Variants in SYTL5 observed in about 807,000 individuals in gnomAD.
SYTL5 encodes the protein synaptotagmin-like protein 5.
A neutral mutation model predicts 55.9 loss-of-function variants in SYTL5; 34 were observed. The ratio of observed to expected loss-of-function variants is 0.61; its 90% confidence interval spans 0.46 to 0.81. SYTL5 has a LOEUF of 0.81. Among genes scored for constraint, SYTL5 ranks in the 30% least tolerant of loss-of-function variants. The pLI, the probability that SYTL5 is intolerant of heterozygous loss-of-function variation, is 0.00. For synonymous variants in SYTL5, 221 were observed against 188.7 expected (o/e 1.17, Z -1.40); for missense variants, 637 against 546.7 (o/e 1.17, Z -1.65).
the SYTL5 span, among the ~76,000 whole-genome samples, chrX:37,910,847 G>A: frequency 8.9e-6 from 1 of 111,832 alleles, no homozygotes; most frequent in Middle Eastern, 4.7e-3. Context: ...CTGGTGTAGG[G>A]ATGATACATT....
chrX:38,023,573 AAG>A (rs1412055312), intron 1 of SYTL5, among the ~76,000 whole-genome samples: 1 of 111,670 alleles, frequency 9.0e-6, no homozygotes, highest in African/African-American at 3.3e-5. Flanking sequence ...TTGCATTAAA[AAG>A]CATAATTATC....
chrX:38,030,157 A>G (rs1934909479), intron 1 of SYTL5, among the ~76,000 whole-genome samples: 1 of 111,006 alleles, frequency 9.0e-6, no homozygotes, highest in Non-Finnish European at 1.9e-5. Flanking sequence ...AACATGCAAA[A>G]AGCCACATAT....
the SYTL5 span, among the ~76,000 whole-genome samples, chrX:37,989,852 G>A: frequency 1.8e-5 from 2 of 110,424 alleles, no homozygotes; most frequent in African/African-American, 6.6e-5. Context: ...GGCACTGACA[G>A]GTAAACTTAT....
the SYTL5 span, among the ~76,000 whole-genome samples, chrX:37,945,682 T>G: frequency 8.9e-6 from 1 of 112,084 alleles, no homozygotes; most frequent in African/African-American, 3.2e-5. Flanking sequence ...GTAAACAAAT[T>G]TGTACTTCCT....
rs1569190242 is a variant in SYTL5 at position 38,110,350 on chromosome X, A to G, written c.1464A>G (p.Thr488=). The change falls in exon 13 of 17, where the codon ACA becomes ACG. Residue 488 remains threonine, a synonymous_variant. Transcript: ENST00000297875. ...CTATCAGCCATACCCAGCTGGAAAC[A>G]AGAACTCTGCAGCTCTCAGTCTGGC... is the stretch of plus-strand genomic sequence containing the variant. The part of the protein sequence containing the change: ...KYTISHTQLE[T]RTLQLSVWHY... The G allele has an allele frequency of 3.3e-6, 4 of 1,206,660 alleles. No homozygotes were observed. The highest frequency in any genetic ancestry group is 3.4e-6 in the Non-Finnish European group (3 of 892,805).
At chrX:38,030,236 C>A (rs1364989683) in intron 1 of SYTL5, among the ~76,000 whole-genome samples, 1 of 111,718 alleles carries the variant, frequency 9.0e-6, no homozygotes, top group Admixed American at 9.6e-5. Flanking sequence ...CAACAAAGTT[C>A]TCTCATAATA....
the SYTL5 span, among the ~76,000 whole-genome samples, chrX:37,934,175 A>G: frequency 9.0e-6 from 1 of 110,972 alleles, no homozygotes; most frequent in African/African-American, 3.3e-5. Context: ...CAAAAGAACA[A>G]GAAACTATGG....
chrX:38,102,804 A>G (rs1014501811), intron 10 of SYTL5, among the ~76,000 whole-genome samples: 16 of 111,898 alleles, frequency 1.4e-4, no homozygotes, highest in African/African-American at 5.2e-4. Flanking sequence ...CATTTATCCT[A>G]AAACACATGC....
At chrX:38,072,418 T>C (rs1165110958) in intron 4 of SYTL5, among the ~76,000 whole-genome samples, 2 of 112,564 alleles carry the variant, frequency 1.8e-5, no homozygotes, top group Non-Finnish European at 3.8e-5. Flanking sequence ...GTCTCCATCA[T>C]AGACAGTTCT....
At chrX:38,064,186 G>A (rs145455341) in intron 3 of SYTL5, among the ~76,000 whole-genome samples, 132 of 110,849 alleles carry the variant, frequency 1.2e-3, no homozygotes, top group Middle Eastern at 4.7e-3. Context: ...AGAAGACTAC[G>A]GCAGATTGTG....
At chrX:37,966,803 G>T in the SYTL5 span, among the ~76,000 whole-genome samples, 1 of 111,536 alleles carries the variant, frequency 9.0e-6, no homozygotes, top group African/African-American at 3.3e-5. Context: ...GGTTAAAAGT[G>T]ATTTACCCAC....
At chrX:37,989,476 T>TGAGGGCAGAACCTAGAGGCCA in the SYTL5 span, among the ~76,000 whole-genome samples, 1 of 111,846 alleles carries the variant, frequency 8.9e-6, no homozygotes, top group South Asian at 3.7e-4. Flanking sequence ...GAACAATGAC[T>TGAGGGCAGAACCTAGAGGCCA]GAGGGCAGAA....
intron 13 of SYTL5, 98 bp downstream of exon 13, chrX:38,110,580 A>G: frequency 2.7e-6 from 2 of 746,544 alleles, no homozygotes. Context: ...TTCAAATTTC[A>G]AGTGATAATC....
chrX:38,040,192 T>C (rs1182979207), intron 2 of SYTL5, among the ~76,000 whole-genome samples: 2 of 109,932 alleles, frequency 1.8e-5, no homozygotes, highest in Non-Finnish European at 3.8e-5. Flanking sequence ...AAAAAAGTTT[T>C]AAATATTTGT....
chrX:38,060,138 A>G (rs1569172281), intron 3 of SYTL5, among the ~76,000 whole-genome samples: 1 of 111,760 alleles, frequency 8.9e-6, no homozygotes, highest in African/African-American at 3.2e-5. Context: ...ACTGAGGTAT[A>G]CTTTTCAATA....
chrX:38,072,843 T>C lies in SYTL5; in HGVS notation c.445+681T>C, dbSNP rs1032237908. On this transcript the variant is annotated intron_variant, in intron 4 of 16. Transcript: ENST00000297875. Reference sequence around the variant, plus strand: ...TTAATTAAAGATGGAGTAAACCTTGTGATTGGGAGCATGTTTCTCGTATAT... The same window carrying C: ...TTAATTAAAGATGGAGTAAACCTTGCGATTGGGAGCATGTTTCTCGTATAT... 3.6e-5 allele frequency among the ~76,000 whole-genome samples: 4 copies of C among 112,405 alleles called. No individual in the cohort carries two copies. The Admixed American group carries it at 3.8e-4, about 11-fold the overall frequency.
chrX:38,025,799 G>A (rs1449928679), intron 1 of SYTL5, among the ~76,000 whole-genome samples: 2 of 112,089 alleles, frequency 1.8e-5, no homozygotes, highest in African/African-American at 6.5e-5. Context: ...GTATGAAATC[G>A]CTGAAAAGAG....
At chrX:37,900,040 G>A in the SYTL5 span, among the ~76,000 whole-genome samples, 1 of 111,865 alleles carries the variant, frequency 8.9e-6, no homozygotes, top group Non-Finnish European at 1.9e-5. Flanking sequence ...GTGCTTGTCC[G>A]TATAGAATAG....
the SYTL5 span, among the ~76,000 whole-genome samples, chrX:37,940,602 A>ATG: frequency 3.1e-4 from 9 of 29,431 alleles, no homozygotes; most frequent in Non-Finnish European, 1.1e-3. Context: ...ATAGGTGTGT[A>ATG]TGTATATATA....
Sources: gnomAD v4.1 joint callset for allele counts (sites outside exome capture counted in the v4.1 genomes callset) on GRCh38, gnomAD v4.1.1 for gene constraint, MANE v1.5 for transcripts, NCBI Gene and HGNC (gene_info 2026-07-23, HGNC 2026-07-21) for gene names.